PLEKHA2: variants seen among roughly 807,000 people sequenced by gnomAD.
The protein encoded by PLEKHA2 is pleckstrin homology domain containing A2.
A neutral mutation model predicts 53.2 loss-of-function variants in PLEKHA2; 28 were observed. The observed-to-expected ratio is 0.53, with a 90% CI of 0.39 to 0.72. PLEKHA2 has a LOEUF of 0.72. Ranked by LOEUF, PLEKHA2 falls within the 30% of genes least tolerant of loss-of-function variation. The pLI is 0.00. For synonymous variants in PLEKHA2, 193 were observed against 196.4 expected (o/e 0.98, Z 0.14); for missense variants, 426 against 537.9 (o/e 0.79, Z 2.06).
At position 38,918,084 on chromosome 8, in the gene PLEKHA2, T is replaced by C. The variant is rs1457528244; in HGVS notation, c.141+14T>C. 1 of 1,609,522 alleles carries C rather than the reference T, an allele frequency of 6.2e-7. No homozygotes were observed. ...GACAACCCCCAGGTGAGAGGGTCAGTGGGAAGGGGTGGGGCGACTGGGTGC... is the reference window on the plus strand; with the variant it reads ...GACAACCCCCAGGTGAGAGGGTCAGCGGGAAGGGGTGGGGCGACTGGGTGC... On this transcript the variant is annotated intron_variant, in intron 2 of 11. Transcript: ENST00000617275.
At chr8:38,918,199 A>G (rs1429046776) in intron 2 of PLEKHA2, 129 bp downstream of exon 2, 3 of 1,226,552 alleles carry the variant, frequency 2.4e-6, no homozygotes, top group Non-Finnish European at 3.4e-6. Flanking sequence ...GGGAGGGGAC[A>G]ACCCTACAAC....
chr8:38,924,831 C>T (rs1208140215), intron 2 of PLEKHA2, among the ~76,000 whole-genome samples: 1 of 152,202 alleles, frequency 6.6e-6, no homozygotes, highest in Non-Finnish European at 1.5e-5. Flanking sequence ...AATTTAGAAT[C>T]AGTGTGGTTA....
chr8:38,968,568 G>T (rs1835182554), intron 10 of PLEKHA2, 24 bp from the exon 11 acceptor site: 1 of 1,612,664 alleles, frequency 6.2e-7, no homozygotes, highest in South Asian at 1.1e-5. Flanking sequence ...AAATTTCTTG[G>T]TAAGAGCCAT....
chr8:38,912,778 T>G (rs993380201), intron 1 of PLEKHA2, among the ~76,000 whole-genome samples: 2 of 152,160 alleles, frequency 1.3e-5, no homozygotes, highest in Non-Finnish European at 2.9e-5. Context: ...GTGCCGCTGC[T>G]GCGTGGGTCA....
Position 38,946,272 on chromosome 8 carries a change from AGGCTAT to A in PLEKHA2, c.345+55_345+60del, listed in dbSNP as rs1834713245. The A allele has an allele frequency of 2.7e-6, 4 of 1,474,068 alleles. No individual in the cohort carries two copies. In the South Asian group the frequency reaches 3.6e-5, roughly 13 times the overall value. The allele number at this position is 1,474,068 out of a possible 1,614,324, so 91.3% of individuals were successfully genotyped here. On this transcript the variant is annotated intron_variant, in intron 5 of 11. Coordinates refer to ENST00000617275, the MANE Select transcript of PLEKHA2 (RefSeq NM_021623.2). ...GGTGGTAGTAAAAGTGCCTCTTCCC[AGGCTAT>A]GGCCTTGTTGGGGTTGGGGAAAACT... is the stretch of plus-strand genomic sequence containing the variant.
intron 2 of PLEKHA2, among the ~76,000 whole-genome samples, chr8:38,924,928 A>G (rs1378140773): frequency 1.3e-5 from 2 of 152,256 alleles, no homozygotes; most frequent in Admixed American, 6.5e-5. Flanking sequence ...GGACCTGTAT[A>G]AATGGAAAGT....
At chr8:38,954,480 A>G (rs775832663) in intron 9 of PLEKHA2, among the ~76,000 whole-genome samples, 12 of 152,172 alleles carry the variant, frequency 7.9e-5, no homozygotes, top group Non-Finnish European at 1.6e-4. Flanking sequence ...TTAGAGAACC[A>G]TAAGGAACTT....
At chr8:38,942,369 C>T (rs1483666425) in intron 3 of PLEKHA2, among the ~76,000 whole-genome samples, 2 of 152,164 alleles carry the variant, frequency 1.3e-5, no homozygotes, top group African/African-American at 4.8e-5. Flanking sequence ...CGCCACTGCA[C>T]TCCAGCCTGG....
At chr8:38,920,710 G>A (rs908629207) in intron 2 of PLEKHA2, among the ~76,000 whole-genome samples, 11 of 151,868 alleles carry the variant, frequency 7.2e-5, no homozygotes, top group East Asian at 5.8e-4. Context: ...ACAGGTGTGC[G>A]CCACCACACT....
At chr8:38,903,000 G>C (rs1482072541) in intron 1 of PLEKHA2, among the ~76,000 whole-genome samples, 1 of 152,244 alleles carries the variant, frequency 6.6e-6, no homozygotes, top group Non-Finnish European at 1.5e-5. Flanking sequence ...TTGTAGTCTA[G>C]ATTATGGCCA....
intron 5 of PLEKHA2, among the ~76,000 whole-genome samples, chr8:38,950,334 C>G (rs1333015930): frequency 6.6e-6 from 1 of 152,220 alleles, no homozygotes; most frequent in East Asian, 1.9e-4. Context: ...GGACCTGGCC[C>G]CCATCTCCTG....
chr8:38,921,502 A>G (rs1460104733), intron 2 of PLEKHA2, among the ~76,000 whole-genome samples: 4 of 152,184 alleles, frequency 2.6e-5, no homozygotes, highest in Non-Finnish European at 5.9e-5. Flanking sequence ...GAACTTGAAT[A>G]TTGACGGTTG....
chr8:38,906,454 G>A (rs1232744563), intron 1 of PLEKHA2, among the ~76,000 whole-genome samples: 2 of 151,770 alleles, frequency 1.3e-5, no homozygotes, highest in Non-Finnish European at 2.9e-5. Context: ...AGTATCTCTT[G>A]CTCTCTACTC....
chr8:38,945,355 C>T (rs1020958896), intron 4 of PLEKHA2, among the ~76,000 whole-genome samples: 9 of 152,114 alleles, frequency 5.9e-5, no homozygotes, highest in Non-Finnish European at 8.8e-5. Context: ...AATGAATGAA[C>T]GGATGAATTC....
At chr8:38,923,297 T>C (rs1834225200) in intron 2 of PLEKHA2, among the ~76,000 whole-genome samples, 1 of 152,200 alleles carries the variant, frequency 6.6e-6, no homozygotes, top group Non-Finnish European at 1.5e-5. Context: ...ACTAAGTTGA[T>C]TTACATCTTA....
intron 3 of PLEKHA2, among the ~76,000 whole-genome samples, chr8:38,942,415 A>G (rs1305696658): frequency 2.0e-5 from 3 of 152,074 alleles, no homozygotes; most frequent in Non-Finnish European, 4.4e-5. Flanking sequence ...TCTGGGCTCA[A>G]GTGATCCTCC....
At chr8:38,911,478 C>T (rs1025037934) in intron 1 of PLEKHA2, among the ~76,000 whole-genome samples, 1 of 152,104 alleles carries the variant, frequency 6.6e-6, no homozygotes, top group African/African-American at 2.4e-5. Context: ...CTCAAGTGAT[C>T]CACCTGCTTC....
At chr8:38,918,808 C>T in intron 2 of PLEKHA2, among the ~76,000 whole-genome samples, 1 of 152,218 alleles carries the variant, frequency 6.6e-6, no homozygotes, top group Non-Finnish European at 1.5e-5. Context: ...ACTATACACA[C>T]CCATCCACAC....
chr8:38,962,393 T>G (rs571880304), intron 10 of PLEKHA2, among the ~76,000 whole-genome samples: 181 of 152,218 alleles, frequency 1.2e-3, no homozygotes, highest in African/African-American at 4.1e-3. Context: ...ACCCATGATA[T>G]AGAGGGTGTG....
Sources: gnomAD v4.1 joint callset for allele counts (sites outside exome capture counted in the v4.1 genomes callset) on GRCh38, gnomAD v4.1.1 for gene constraint, MANE v1.5 for transcripts, NCBI Gene and HGNC (gene_info 2026-07-23, HGNC 2026-07-21) for gene names.